The following MID1 variants were observed in gnomAD, a reference collection of about 807,000 sequenced individuals.
MID1 encodes the protein E3 ubiquitin-protein ligase Midline-1.
Under a neutral mutation model 40.4 loss-of-function variants are expected in MID1, and 7 were observed. The observed-to-expected ratio is 0.17, with a 90% CI of 0.10 to 0.33. The LOEUF is 0.33. Ranked by LOEUF, MID1 falls within the 10% of genes least tolerant of loss-of-function variation. MID1 has a pLI of 1.00. For missense variants in MID1, 367 were observed against 558.5 expected (o/e 0.66, Z 3.46); for synonymous variants, 229 against 221.2 (o/e 1.04, Z -0.31).
At chrX:10,493,855 G>C (rs1931086920) in intron 4 of MID1, among the ~76,000 whole-genome samples, 1 of 112,232 alleles carries the variant, frequency 8.9e-6, no homozygotes, top group Non-Finnish European at 1.9e-5. Flanking sequence ...TGTGTACTGA[G>C]AGCTAATCTC....
intron 1 of MID1, among the ~76,000 whole-genome samples, chrX:10,599,115 C>G (rs941776890): frequency 1.8e-5 from 2 of 111,670 alleles, no homozygotes; most frequent in African/African-American, 6.5e-5. Context: ...CACAATAAGT[C>G]TTGCCAGACA....
chrX:10,777,419 G>A (rs1044983487), intron 1 of MID1, among the ~76,000 whole-genome samples: 4 of 109,486 alleles, frequency 3.7e-5, no homozygotes, highest in Admixed American at 2.9e-4. Context: ...GGATGGTCTC[G>A]ATCTCCTGAC....
intron 1 of MID1, among the ~76,000 whole-genome samples, chrX:10,580,572 G>A (rs1025270686): frequency 6.3e-5 from 7 of 110,576 alleles, no homozygotes; most frequent in South Asian, 7.6e-4. Context: ...CTAGTATGAT[G>A]GTACATTTAA....
intron 1 of MID1, among the ~76,000 whole-genome samples, chrX:10,762,348 A>G (rs1395691202): frequency 9.0e-6 from 1 of 111,730 alleles, no homozygotes; most frequent in Non-Finnish European, 1.9e-5. Context: ...GTCCAAAAGG[A>G]TGATTTACCA....
intron 1 of MID1, among the ~76,000 whole-genome samples, chrX:10,814,227 TC>T (rs2044120296): frequency 9.0e-6 from 1 of 111,358 alleles, no homozygotes; most frequent in Non-Finnish European, 1.9e-5. Context: ...ATTTTATTTT[TC>T]CCCATATGTT....
chrX:10,640,967 T>C (rs757523882), intron 1 of MID1, among the ~76,000 whole-genome samples: 2,111 of 111,142 alleles, frequency 0.019, 50 homozygotes, highest in African/African-American at 0.066. Context: ...TTGAAACCAA[T>C]GAGAACAAAG....
intron 2 of MID1, among the ~76,000 whole-genome samples, chrX:10,566,049 A>G (rs977375184): frequency 9.0e-6 from 1 of 110,771 alleles, no homozygotes; most frequent in African/African-American, 3.3e-5. Context: ...ACCTCAAGTG[A>G]TTCACTCTCC....
At chrX:10,624,229 C>A (rs761017705), upstream of MID1, among the ~76,000 whole-genome samples, 1 of 111,802 alleles carries the variant, frequency 8.9e-6, no homozygotes, top group Non-Finnish European at 1.9e-5. Context: ...CCCAAGATTT[C>A]TCAGGGGACA....
chrX:10,748,325 C>A (rs978959913), intron 1 of MID1, among the ~76,000 whole-genome samples: 27 of 111,827 alleles, frequency 2.4e-4, no homozygotes, highest in African/African-American at 8.4e-4. Context: ...TGTGAAAACT[C>A]ACCTTTGATT....
intron 1 of MID1, among the ~76,000 whole-genome samples, chrX:10,653,100 T>C (rs1936334103): frequency 1.8e-5 from 2 of 111,972 alleles, no homozygotes; most frequent in African/African-American, 3.2e-5. Context: ...GCACTAGATG[T>C]GCTGCTGGTG....
At chrX:10,735,857 A>C (rs1482466261) in intron 1 of MID1, among the ~76,000 whole-genome samples, 1 of 110,012 alleles carries the variant, frequency 9.1e-6, no homozygotes, top group Non-Finnish European at 1.9e-5. Context: ...ATCCTGGTTA[A>C]GTTTCTAAAA....
intron 3 of MID1, among the ~76,000 whole-genome samples, chrX:10,520,757 C>T (rs1159856609): frequency 9.0e-6 from 1 of 111,550 alleles, no homozygotes; most frequent in Non-Finnish European, 1.9e-5. Context: ...TGAGCTCCTA[C>T]TGTGTGAAAA....
rs1928152319 is a variant in MID1 at position 10,448,787 on chromosome X, TTC to T, written c.*579_*580del. 1 of 112,699 alleles carries T rather than the reference TTC, an allele frequency of 8.9e-6. No homozygotes were observed. Among genetic ancestry groups the T allele is most frequent in the African/African-American group, 3.2e-5 (1 of 30,884 alleles). The allele number at this position is 112,699 out of a possible 1,213,427, so 9.3% of individuals were successfully genotyped here. ...CGAGGTCCAAAATCAACTCTTTTCA[TTC>T]TCTGTCTTGCTCTCCATTTTAGTTG... is the stretch of plus-strand genomic sequence containing the variant. On this transcript the variant is annotated 3_prime_UTR_variant, in exon 10 of 10. Coordinates refer to ENST00000317552, the MANE Select transcript of MID1 (RefSeq NM_000381.4).
At chrX:10,810,479 C>T (rs2044089651) in intron 1 of MID1, among the ~76,000 whole-genome samples, 1 of 112,001 alleles carries the variant, frequency 8.9e-6, no homozygotes, top group South Asian at 3.7e-4. Context: ...GCTGTGAACA[C>T]TGGTGTACAA....
At chrX:10,766,083 C>G (rs986877948) in intron 1 of MID1, among the ~76,000 whole-genome samples, 2 of 111,290 alleles carry the variant, frequency 1.8e-5, no homozygotes, top group Non-Finnish European at 3.8e-5. Flanking sequence ...AGAATACACT[C>G]AAACACCCAA....
At chrX:10,495,495 G>C in intron 4 of MID1, 89 bp downstream of exon 4, 1 of 696,516 alleles carries the variant, frequency 1.4e-6, no homozygotes, top group Non-Finnish European at 2.3e-6. Flanking sequence ...GAAAAAGAGG[G>C]TTCTCAACAT....
intron 1 of MID1, among the ~76,000 whole-genome samples, chrX:10,609,075 G>C (rs1241889847): frequency 1.8e-5 from 2 of 111,435 alleles, no homozygotes; most frequent in Non-Finnish European, 3.8e-5. Flanking sequence ...AGGATAATTT[G>C]TCCGAAAAGG....
chrX:10,732,572 T>C (rs758150324), intron 1 of MID1, among the ~76,000 whole-genome samples: 13 of 112,357 alleles, frequency 1.2e-4, no homozygotes, highest in Admixed American at 2.8e-4. Context: ...AATTGATCTA[T>C]AGAGTCAATA....
chrX:10,772,102 C>A (rs185518266), intron 1 of MID1, among the ~76,000 whole-genome samples: 1 of 110,372 alleles, frequency 9.1e-6, no homozygotes, highest in East Asian at 2.8e-4. Context: ...CCCAAATGGC[C>A]ATCAATCAAG....
Sources: gnomAD v4.1 joint callset for allele counts (sites outside exome capture counted in the v4.1 genomes callset) on GRCh38, gnomAD v4.1.1 for gene constraint, MANE v1.5 for transcripts, NCBI Gene and HGNC (gene_info 2026-07-23, HGNC 2026-07-21) for gene names.